The following ADAR variants were observed in gnomAD, a reference collection of about 807,000 sequenced individuals.
The protein encoded by ADAR is double-stranded RNA-specific adenosine deaminase.
In ADAR, 41 loss-of-function variants were observed where a neutral mutation model predicts 113.2. That is an observed-to-expected ratio of 0.36 (90% CI 0.28 to 0.47). The LOEUF is 0.47. Ranked by LOEUF, ADAR falls within the 20% of genes least tolerant of loss-of-function variation. The pLI is 1.00. For synonymous variants in ADAR, 605 were observed against 572.6 expected (o/e 1.06, Z -0.81); for missense variants, 1,242 against 1,540.9 (o/e 0.81, Z 3.25).
Position 154,598,268 on chromosome 1 carries a change from A to G in ADAR, c.1785+134T>C, listed in dbSNP as rs1261292086. ...AGGAGGAAAGGTGGGCTGGCGAGATAGGGTAGAGGGAAGAGTGGGAAGCTG... is the reference window on the plus strand; with the variant it reads ...AGGAGGAAAGGTGGGCTGGCGAGATGGGGTAGAGGGAAGAGTGGGAAGCTG... On this transcript the variant is annotated intron_variant, in intron 3 of 14. Transcript: ENST00000368474. The G allele has an allele frequency of 9.1e-6, 9 of 987,538 alleles. No homozygotes were observed. In the Admixed American group the frequency reaches 1.7e-4, roughly 19 times the overall value. The allele number at this position is 987,538 out of a possible 1,614,324, so 61.2% of individuals were successfully genotyped here.
At chr1:154,607,256 T>G (rs1698253280) in intron 1 of ADAR, among the ~76,000 whole-genome samples, 1 of 152,254 alleles carries the variant, frequency 6.6e-6, no homozygotes, top group Non-Finnish European at 1.5e-5. Flanking sequence ...CATAACGCAC[T>G]TGCGAGTCAC....
At position 154,596,967 on chromosome 1, in the gene ADAR, T is replaced by C; in HGVS notation, c.2108A>G (p.Asp703Gly). The change falls in exon 6 of 15, where the codon GAT (aspartate) becomes GGT (glycine). Residue 703 changes from aspartate to glycine, a missense_variant. Asp to Gly is a moderately conservative substitution (Grantham distance 94). Around this residue, in one of 2 missense-constraint regions of ADAR, gnomAD observed 780 missense variants for 1,057.9 expected, o/e 0.74. Coordinates refer to ENST00000368474, the MANE Select transcript of ADAR (RefSeq NM_001111.5). ...QPEGMISESLDNLESMMPNKV... is the reference protein window; with the variant it reads ...QPEGMISESLGNLESMMPNKV... Reference sequence around the variant, plus strand: ...GTTGGGCATCATGGATTCCAAGTTATCAAGTGACTCTGAGATCATACCTTC... The same window carrying C: ...GTTGGGCATCATGGATTCCAAGTTACCAAGTGACTCTGAGATCATACCTTC... 2 of 1,614,176 alleles carry C rather than the reference T, an allele frequency of 1.2e-6. No homozygotes were observed. The highest frequency in any genetic ancestry group is 2.2e-5 in the South Asian group (2 of 91,078).
chr1:154,588,204 A>G lies in ADAR; in HGVS notation c.2940T>C (p.Ala980=). 1 of 1,613,994 alleles carries G rather than the reference A, an allele frequency of 6.2e-7. No individual in the cohort carries two copies. The highest frequency in any genetic ancestry group is 8.5e-7 in the Non-Finnish European group (1 of 1,180,000). The part of the protein sequence containing the change: ...ALFDKSCSDR[A]MESTESRHYP... ...AGTGGCGGGATTCTGTGCTTTCCAT[A>G]GCACGGTCGCTGCAGGACTTGTCAA... is the stretch of plus-strand genomic sequence containing the variant. The change falls in exon 11 of 15, where the codon GCT becomes GCC. Residue 980 remains alanine (A), a synonymous_variant. Transcript: ENST00000368474.
chr1:154,599,832 T>G (rs944737801), intron 2 of ADAR, among the ~76,000 whole-genome samples: 1 of 152,180 alleles, frequency 6.6e-6, no homozygotes, highest in Non-Finnish European at 1.5e-5. Flanking sequence ...AGCTCAGGAG[T>G]GGCAGCAAGT....
At chr1:154,605,997 T>C in intron 1 of ADAR, 2 of 942,992 alleles carry the variant, frequency 2.1e-6, no homozygotes, top group Non-Finnish European at 1.3e-6. Context: ...TATGGAATAG[T>C]ACTCACACGG....
chr1:154,587,070 C>A (rs747623714), intron 11 of ADAR, among the ~76,000 whole-genome samples: 16 of 152,196 alleles, frequency 1.1e-4, no homozygotes, highest in African/African-American at 1.9e-4. Context: ...GCAACTGTCA[C>A]CACAGTCAAT....
chr1:154,618,112 C>A (rs955799229), intron 1 of ADAR, among the ~76,000 whole-genome samples: 1 of 149,784 alleles, frequency 6.7e-6, no homozygotes, highest in Non-Finnish European at 1.5e-5. Context: ...TATAAGTATA[C>A]CTTCTTCATA....
intron 11 of ADAR, among the ~76,000 whole-genome samples, chr1:154,586,952 TA>T (rs960714945): frequency 4.0e-5 from 6 of 149,680 alleles, no homozygotes; most frequent in Non-Finnish European, 8.9e-5. Context: ...CTATCGGGTT[TA>T]AAAAAAAACA....
chr1:154,588,421 T>C, intron 10 of ADAR, 130 bp downstream of exon 10: 5 of 1,502,694 alleles, frequency 3.3e-6, no homozygotes, highest in Non-Finnish European at 4.6e-6. Flanking sequence ...CACCTGAATA[T>C]GGACCTCAAA....
chr1:154,589,722 C>T, intron 8 of ADAR, 35 bp downstream of exon 8: 3 of 1,613,942 alleles, frequency 1.9e-6, no homozygotes, highest in Admixed American at 1.7e-5. Context: ...CTTTCAGGCG[C>T]CATGGGAGGC....
At position 154,590,036 on chromosome 1, in the gene ADAR, C is replaced by T. The variant is rs978150708; in HGVS notation, c.2497-108G>A. ...TACTTGTCGTGTGAGTCATCTTTTCCTTCTTACATCTAGTGTCCCAGTTAC... is the reference window on the plus strand; with the variant it reads ...TACTTGTCGTGTGAGTCATCTTTTCTTTCTTACATCTAGTGTCCCAGTTAC... On this transcript the variant is annotated intron_variant, in intron 7 of 14. Transcript: ENST00000368474. 5.2e-5 allele frequency: 78 copies of T among 1,509,364 alleles called. No individual in the cohort carries two copies. In the African/African-American group the frequency reaches 8.6e-4, roughly 17 times the overall value. The allele number at this position is 1,509,364 out of a possible 1,614,324, so 93.5% of individuals were successfully genotyped here. A position where few individuals can be genotyped will look rare whatever the true frequency, so the allele number is the denominator to read the frequency against.
At chr1:154,606,262 G>A (rs1217964685) in intron 1 of ADAR, among the ~76,000 whole-genome samples, 1 of 152,168 alleles carries the variant, frequency 6.6e-6, no homozygotes, top group Non-Finnish European at 1.5e-5. Flanking sequence ...GGATGGTGTC[G>A]ATCTCCTGAT....
At chr1:154,613,904 C>CA (rs1553216901) in intron 1 of ADAR, among the ~76,000 whole-genome samples, 10,661 of 124,078 alleles carry the variant, frequency 0.086, 522 homozygotes, top group East Asian at 0.21. Context: ...AACTCCATCT[C>CA]AAAAAAAAAA....
At chr1:154,622,201 C>T (rs1011717655) in intron 1 of ADAR, among the ~76,000 whole-genome samples, 2 of 152,008 alleles carry the variant, frequency 1.3e-5, no homozygotes, top group African/African-American at 2.4e-5. Flanking sequence ...AGCGTGGCTG[C>T]GTTTGGGTGA....
rs138707431 is a variant in ADAR, at chr1:154,589,833, G to C, written c.2592C>G (p.Leu864=). Residue 864 remains leucine (L), a synonymous_variant, in exon 8 of 15, where the codon CTC becomes CTG. Transcript: ENST00000368474. ...TLTNSFQPSL[L]GRKILAAIIM... ...TGATGGCGGCCAGAATCTTGCGGCCGAGCAAGGAGGGCTGGAAGCTGTTAG... is the reference window on the plus strand; with the variant it reads ...TGATGGCGGCCAGAATCTTGCGGCCCAGCAAGGAGGGCTGGAAGCTGTTAG... 1.9e-6 allele frequency: 3 copies of C among 1,614,042 alleles called. No individual in the cohort carries two copies. In the Admixed American group the frequency reaches 5.0e-5, roughly 27 times the overall value.
chr1:154,584,746 C>T lies in ADAR; in HGVS notation c.*60G>A, dbSNP rs772429851. On this transcript the variant is annotated 3_prime_UTR_variant, in exon 15 of 15. Transcript: ENST00000368474. ...CCTGACCATGTGATGAGGAATGCTACGACCTACCTCTCTCACACCCTAGTA... is the reference window on the plus strand; with the variant it reads ...CCTGACCATGTGATGAGGAATGCTATGACCTACCTCTCTCACACCCTAGTA... 340 of 1,393,950 alleles carry T rather than the reference C, an allele frequency of 2.4e-4. 1 individual carries two copies. Among genetic ancestry groups the T allele is most frequent in the Non-Finnish European group, 2.9e-4 (281 of 982,982 alleles). The allele number at this position is 1,393,950 out of a possible 1,614,324, so 86.3% of individuals were successfully genotyped here.
intron 1 of ADAR, among the ~76,000 whole-genome samples, chr1:154,619,362 G>T (rs754102043): frequency 6.6e-6 from 1 of 152,154 alleles, no homozygotes; most frequent in Non-Finnish European, 1.5e-5. Flanking sequence ...AGGGCTCCTC[G>T]CTGGGAATAA....
Position 154,596,978 on chromosome 1 carries a change from T to C in ADAR, c.2097A>G (p.Ser699=), listed in dbSNP as rs1201594540. The C allele has an allele frequency of 6.2e-7, 1 of 1,614,218 alleles. No individual in the cohort carries two copies. Among genetic ancestry groups the C allele is most frequent in the Admixed American group, 1.7e-5 (1 of 60,030 alleles). The change falls in exon 6 of 15, where the codon TCA becomes TCG. Residue 699 remains serine, a synonymous_variant. Coordinates refer to ENST00000368474, the MANE Select transcript of ADAR (RefSeq NM_001111.5). ...TGGATTCCAAGTTATCAAGTGACTCTGAGATCATACCTTCAGGCTAAAGGA... is the reference window on the plus strand; with the variant it reads ...TGGATTCCAAGTTATCAAGTGACTCCGAGATCATACCTTCAGGCTAAAGGA... ...ASDNQPEGMI[S]ESLDNLESMM... is the part of the protein sequence containing the mutation.
chr1:154,589,940 A>C lies in ADAR; in HGVS notation c.2497-12T>G. 1 of 1,613,734 alleles carries C rather than the reference A, an allele frequency of 6.2e-7. No homozygotes were observed. Among genetic ancestry groups the C allele is most frequent in the Admixed American group, 1.7e-5 (1 of 59,968 alleles). ...CCAGTGAGAGGGAGCTGTGGGGAAA[A>C]GAGGCTGTGTCAGCACCACAAAGCT... On this transcript the variant is annotated splice_polypyrimidine_tract_variant and intron_variant, in intron 7 of 14. Coordinates refer to ENST00000368474, the MANE Select transcript of ADAR (RefSeq NM_001111.5).
Sources: gnomAD v4.1 joint callset for allele counts (sites outside exome capture counted in the v4.1 genomes callset) on GRCh38, gnomAD v4.1.1 for gene constraint, gnomAD v4.1.1 regional missense constraint, MANE v1.5 for transcripts, NCBI Gene and HGNC (gene_info 2026-07-23, HGNC 2026-07-21) for gene names.